RBM6: variants seen among roughly 807,000 people sequenced by gnomAD.
The protein encoded by RBM6 is RNA-binding protein 6.
In RBM6, 23 loss-of-function variants were observed where a neutral mutation model predicts 140.4. That is an observed-to-expected ratio of 0.16 (90% CI 0.12 to 0.23). The LOEUF (loss-of-function observed/expected upper bound fraction) is 0.23. Among genes scored for constraint, RBM6 ranks in the 10% least tolerant of loss-of-function variants. RBM6 has a pLI of 1.00. For synonymous variants in RBM6, 439 were observed against 475.6 expected (o/e 0.92, Z 1.00); for missense variants, 1,139 against 1,386.7 (o/e 0.82, Z 2.84).
At chr3:49,945,002 G>C (rs113807215) in intron 1 of RBM6, among the ~76,000 whole-genome samples, 4,937 of 150,262 alleles carry the variant, frequency 0.033, 303 homozygotes, top group African/African-American at 0.12. Flanking sequence ...TCAGCCTCCC[G>C]AGTAGCTGGG....
intron 1 of RBM6, among the ~76,000 whole-genome samples, chr3:49,952,321 G>T (rs1251909151): frequency 1.3e-5 from 2 of 151,192 alleles, no homozygotes; most frequent in Non-Finnish European, 3.0e-5. Flanking sequence ...GAGCCACTGC[G>T]CCTGGCCCCA....
In RBM6 at chr3:49,968,699, A is replaced by C. The variant is rs772534805; in HGVS notation, c.1274A>C (p.Lys425Thr). ...GSQMFGYGQS[K>T]SFPEGKTARD... Reference sequence around the variant, plus strand: ...CAGATGTTTGGCTATGGCCAGAGCAAGTCTTTTCCAGAGGGCAAAACTGCC... The same window carrying C: ...CAGATGTTTGGCTATGGCCAGAGCACGTCTTTTCCAGAGGGCAAAACTGCC... The change falls in exon 3 of 21, where the codon AAG (lysine) becomes ACG (threonine). Residue 425 changes from lysine to threonine, a missense_variant. Lys to Thr is a moderately conservative substitution (Grantham distance 78). Coordinates refer to ENST00000266022, the MANE Select transcript of RBM6 (RefSeq NM_005777.3). 5.0e-6 allele frequency: 8 copies of C among 1,612,278 alleles called. No individual in the cohort carries two copies. The South Asian group carries it at 8.8e-5, about 18-fold the overall frequency.
chr3:50,015,194 G>A (rs930758117), intron 6 of RBM6, among the ~76,000 whole-genome samples: 23 of 148,224 alleles, frequency 1.6e-4, no homozygotes, highest in Admixed American at 1.4e-4. Context: ...GCAACCCCCC[G>A]CCTGCCAGGT....
At position 49,962,581 on chromosome 3, in the gene RBM6, G is replaced by C; in HGVS notation, c.-61G>C. On this transcript the variant is annotated 5_prime_UTR_variant, in exon 2 of 21. Coordinates refer to ENST00000266022, the MANE Select transcript of RBM6 (RefSeq NM_005777.3). ...TTGTGGTTTATTTTGTACAGGTACT[G>C]CTATAACCAGAATTTGGTAGAAAAA... 6.8e-7 allele frequency: 1 copy of C among 1,469,574 alleles called. No homozygotes were observed. 91.0% of individuals were successfully genotyped at this position (1,469,574 alleles called of 1,614,324 possible).
intron 8 of RBM6, among the ~76,000 whole-genome samples, chr3:50,057,240 T>A (rs2089737767): frequency 6.6e-6 from 1 of 152,194 alleles, no homozygotes; most frequent in South Asian, 2.1e-4. Flanking sequence ...ACTTAAAATA[T>A]TTTGTCAGGA....
At chr3:49,948,602 C>G (rs1348573390) in intron 1 of RBM6, among the ~76,000 whole-genome samples, 1 of 151,420 alleles carries the variant, frequency 6.6e-6, no homozygotes, top group Non-Finnish European at 1.5e-5. Flanking sequence ...GTCCCAGCTA[C>G]TTGGGAGGCT....
chr3:49,955,066 T>C (rs947596425), intron 1 of RBM6, among the ~76,000 whole-genome samples: 7 of 151,998 alleles, frequency 4.6e-5, no homozygotes, highest in Non-Finnish European at 8.8e-5. Flanking sequence ...GCCTTGCACA[T>C]GTTTTTAAAA....
In RBM6 at chr3:50,059,663, G is replaced by T. The variant is rs781599886; in HGVS notation, c.2145G>T (p.Val715=). ...DLDSHAEALR[V]VKILQNLDPP... Reference sequence around the variant, plus strand: ...TGGTTCTATAGGAAGCTCTTCGTGTGGTGAAGATCTTACAGAACCTTGATC... The same window carrying T: ...TGGTTCTATAGGAAGCTCTTCGTGTTGTGAAGATCTTACAGAACCTTGATC... The change falls in exon 11 of 21, where the codon GTG becomes GTT. Residue 715 remains valine, a synonymous_variant. Transcript: ENST00000266022. 1.2e-6 allele frequency: 2 copies of T among 1,613,650 alleles called. No homozygotes were observed. Among genetic ancestry groups the T allele is most frequent in the Non-Finnish European group, 1.7e-6 (2 of 1,179,740 alleles).
chr3:50,024,420 G>T (rs78051028), intron 6 of RBM6, among the ~76,000 whole-genome samples: 12,020 of 151,504 alleles, frequency 0.079, 529 homozygotes, highest in African/African-American at 0.11. Flanking sequence ...GCCCCTCCTG[G>T]TCATTGTCCT....
intron 1 of RBM6, among the ~76,000 whole-genome samples, chr3:49,961,109 G>A (rs2084262419): frequency 6.6e-6 from 1 of 151,760 alleles, no homozygotes; most frequent in African/African-American, 2.4e-5. Flanking sequence ...ATGGAGTCTC[G>A]CTCTGTCACC....
chr3:50,024,729 A>G (rs2108803938), intron 6 of RBM6, among the ~76,000 whole-genome samples: 1 of 152,290 alleles, frequency 6.6e-6, no homozygotes, highest in South Asian at 2.1e-4. Flanking sequence ...TGAAGCGTGC[A>G]GATTACGAGG....
In RBM6 at chr3:49,967,872, G is replaced by A; in HGVS notation, c.447G>A (p.Glu149=). ...CTTCTATGGATTATAGAGGTAGGGAGGCACCTCATATGAACTACAGAGACA... is the reference window on the plus strand; with the variant it reads ...CTTCTATGGATTATAGAGGTAGGGAAGCACCTCATATGAACTACAGAGACA... ...DGTSMDYRGR[E]APHMNYRDRD... The change falls in exon 3 of 21, where the codon GAG becomes GAA. Residue 149 remains glutamate (E), a synonymous_variant. Transcript: ENST00000266022. This position sits in a 1 kb window ranked among gnomAD's most constrained non-coding sequence, Gnocchi z 4.0. 1 of 1,614,072 alleles carries A rather than the reference G, an allele frequency of 6.2e-7. No individual in the cohort carries two copies. The highest frequency in any genetic ancestry group is 8.5e-7 in the Non-Finnish European group (1 of 1,180,010).
At chr3:49,971,541 T>C (rs1218919491) in intron 3 of RBM6, among the ~76,000 whole-genome samples, 1 of 147,552 alleles carries the variant, frequency 6.8e-6, no homozygotes, top group Non-Finnish European at 1.5e-5. Context: ...CCAGGGAAAT[T>C]TTTCTTTTTT....
At chr3:49,976,085 GTTTA>G (rs1409100645) in intron 5 of RBM6, among the ~76,000 whole-genome samples, 5 of 152,040 alleles carry the variant, frequency 3.3e-5, no homozygotes, top group South Asian at 2.1e-4. Flanking sequence ...ATAATAATAA[GTTTA>G]TTTATTTAAA....
At chr3:49,991,623 G>C (rs1380731201) in intron 5 of RBM6, among the ~76,000 whole-genome samples, 1 of 152,142 alleles carries the variant, frequency 6.6e-6, no homozygotes, top group African/African-American at 2.4e-5. Flanking sequence ...CCACAGAATG[G>C]GACCCCAAAA....
chr3:49,999,933 G>C (rs138734667), intron 6 of RBM6, among the ~76,000 whole-genome samples: 3 of 152,324 alleles, frequency 2.0e-5, no homozygotes, highest in African/African-American at 7.2e-5. Context: ...GAAGACCTCT[G>C]ATGGTGACTT....
intron 6 of RBM6, among the ~76,000 whole-genome samples, chr3:50,043,804 G>T (rs1173372354): frequency 2.0e-5 from 3 of 151,388 alleles, no homozygotes; most frequent in African/African-American, 7.3e-5. Context: ...GGATGGTCTT[G>T]ATCTCCTGAC....
chr3:50,014,035 T>C (rs1038597486), intron 6 of RBM6, among the ~76,000 whole-genome samples: 1 of 152,110 alleles, frequency 6.6e-6, no homozygotes, highest in African/African-American at 2.4e-5. Flanking sequence ...GGCCCAAAAA[T>C]CTCTATTGCT....
intron 1 of RBM6, among the ~76,000 whole-genome samples, chr3:49,941,807 A>T (rs2083294847): frequency 6.6e-6 from 1 of 151,712 alleles, no homozygotes; most frequent in African/African-American, 2.4e-5. Context: ...ACCTCAGGTG[A>T]TCCACCTGCC....
Sources: gnomAD v4.1 joint callset for allele counts (sites outside exome capture counted in the v4.1 genomes callset) on GRCh38, gnomAD v4.1.1 for gene constraint, Gnocchi (gnomAD v3.1) non-coding constraint, MANE v1.5 for transcripts, NCBI Gene and HGNC (gene_info 2026-07-23, HGNC 2026-07-21) for gene names.